FAM167A: variants seen among roughly 807,000 people sequenced by gnomAD.
FAM167A encodes family with sequence similarity 167 member A.
In FAM167A, 23 loss-of-function variants were observed where a neutral mutation model predicts 14.9. The observed-to-expected ratio is 1.55, with a 90% CI of 1.11 to 2.19. The LOEUF is 2.19. Among genes scored for constraint, FAM167A ranks in the 30% most tolerant of loss-of-function variants. The pLI is 0.00. For missense variants in FAM167A, 401 were observed against 281.5 expected (o/e 1.42, Z -3.04); for synonymous variants, 174 against 117.7 (o/e 1.48, Z -3.10).
chr8:11,426,889 G>A (rs1474298178), intron 2 of FAM167A, among the ~76,000 whole-genome samples: 1 of 152,134 alleles, frequency 6.6e-6, no homozygotes, highest in Non-Finnish European at 1.5e-5. Flanking sequence ...AAGCAATCAG[G>A]TATGCATTCG....
intron 2 of FAM167A, 112 bp downstream of exon 2, chr8:11,443,919 G>T (rs1003009201): frequency 2.6e-5 from 34 of 1,321,534 alleles, no homozygotes; most frequent in Admixed American, 6.6e-5. Flanking sequence ...GTTAGAGAGA[G>T]GGGAAGAAAT....
At chr8:11,454,696 G>A (rs1304905295) in intron 1 of FAM167A, among the ~76,000 whole-genome samples, 1 of 152,232 alleles carries the variant, frequency 6.6e-6, no homozygotes, top group Non-Finnish European at 1.5e-5. Flanking sequence ...AGGTTAGGAG[G>A]TCTGGGACAT....
At chr8:11,441,034 G>A (rs1050638562) in intron 2 of FAM167A, among the ~76,000 whole-genome samples, 2 of 152,296 alleles carry the variant, frequency 1.3e-5, no homozygotes, top group South Asian at 4.2e-4. Context: ...TCTAATCCCA[G>A]CAGCAGGCGG....
upstream of FAM167A, among the ~76,000 whole-genome samples, chr8:11,468,706 C>A (rs1807862130): frequency 6.6e-6 from 1 of 152,214 alleles, no homozygotes; most frequent in African/African-American, 2.4e-5. Context: ...GCCATTCAGC[C>A]CCATCTGGAA....
At chr8:11,443,724 C>T (rs1806582578) in intron 2 of FAM167A, 1 of 317,154 alleles carries the variant, frequency 3.2e-6, no homozygotes, top group Non-Finnish European at 5.9e-6. Flanking sequence ...AGCCAGACTC[C>T]AGTACTGGGA....
intron 1 of FAM167A, among the ~76,000 whole-genome samples, chr8:11,461,082 G>A (rs1716267971): frequency 6.6e-6 from 1 of 152,238 alleles, no homozygotes; most frequent in South Asian, 2.1e-4. Context: ...CTGTTGGTCA[G>A]AAAGAGGCCC....
At chr8:11,447,506 G>C (rs78579775) in intron 1 of FAM167A, among the ~76,000 whole-genome samples, 1,852 of 152,344 alleles carry the variant, frequency 0.012, 50 homozygotes, top group African/African-American at 0.042. Context: ...ATGGTCCTCA[G>C]ATCTGCTGAG....
intron 2 of FAM167A, among the ~76,000 whole-genome samples, chr8:11,435,347 T>C (rs1805934748): frequency 6.6e-6 from 1 of 152,228 alleles, no homozygotes. Context: ...GTGTTGGGCA[T>C]TGGTTTCATT....
chr8:11,455,972 T>C (rs1215218630), intron 1 of FAM167A, among the ~76,000 whole-genome samples: 1 of 117,192 alleles, frequency 8.5e-6, no homozygotes, highest in Admixed American at 9.1e-5. Flanking sequence ...TGTGAGTGAG[T>C]GTGGGGGGTG....
At chr8:11,458,641 GATT>G (rs1342281862) in intron 1 of FAM167A, among the ~76,000 whole-genome samples, 1 of 152,278 alleles carries the variant, frequency 6.6e-6, no homozygotes, top group East Asian at 1.9e-4. Flanking sequence ...ATTTTCATGG[GATT>G]TAAACACAGA....
chr8:11,456,238 GGTTGCCTTGCTGTGTGTGT>G (rs1254720689), intron 1 of FAM167A, among the ~76,000 whole-genome samples: 1 of 77,810 alleles, frequency 1.3e-5, no homozygotes, highest in African/African-American at 4.8e-5. Flanking sequence ...TGTGGGGGGT[GGTTGCCTTGCTGTGTGTGT>G]GAGTGTAAGG....
At position 11,444,032 on chromosome 8, in the gene FAM167A, A is replaced by C. The variant is rs1294920089; in HGVS notation, c.380T>G (p.Leu127Arg). The C allele has an allele frequency of 1.2e-6, 2 of 1,609,774 alleles. No individual in the cohort carries two copies. The highest frequency in any genetic ancestry group is 1.7e-6 in the Non-Finnish European group (2 of 1,177,892). Residue 127 changes from leucine to arginine, a missense_variant and splice_region_variant, in exon 2 of 3, where the codon CTG becomes CGG. Physicochemically the swap from Leu to Arg is moderately radical, Grantham distance 102 (BLOSUM62 -2). Transcript: ENST00000284486. The stretch of plus-strand genomic sequence containing the variant: ...GGATTCTTGGGGGCAGCCACTCACC[A>C]GTTCCTTCCTGAGCCAGGCTATAGC... The part of the protein sequence containing the change: ...DEAIAWLRKE[L>R]TEMRLQDQQL...
At chr8:11,438,907 G>GAAAC (rs1244161713) in intron 2 of FAM167A, among the ~76,000 whole-genome samples, 1 of 152,222 alleles carries the variant, frequency 6.6e-6, no homozygotes, top group African/African-American at 2.4e-5. Flanking sequence ...CCTTCATCCT[G>GAAAC]AAACAGTACA....
intron 2 of FAM167A, 29 bp downstream of exon 2, chr8:11,444,002 T>C (rs770934263): frequency 6.3e-7 from 1 of 1,589,758 alleles, no homozygotes; most frequent in African/African-American, 1.3e-5. Flanking sequence ...TCTCCTCTTT[T>C]CTGGGGATTC....
rs1453549583 is a variant in FAM167A, at chr8:11,424,510, C to T, written c.508G>A (p.Glu170Lys). Reference sequence around the variant, plus strand: ...GCCAGCTCATCCCGCTCCTCCAGCTCGTAGGTGGCATCGTTGAGCATCCTC... The same window carrying T: ...GCCAGCTCATCCCGCTCCTCCAGCTTGTAGGTGGCATCGTTGAGCATCCTC... Reference protein sequence around the residue: ...HRRMLNDATYELEERDELADL... With the variant: ...HRRMLNDATYKLEERDELADL... The change falls in exon 3 of 3, where the codon GAG becomes AAG. Residue 170 changes from glutamate to lysine, a missense_variant. Physicochemically the swap from Glu to Lys is moderately conservative, Grantham distance 56 (BLOSUM62 1). Coordinates refer to ENST00000284486, the MANE Select transcript of FAM167A (RefSeq NM_053279.3). 2.5e-6 allele frequency: 4 copies of T among 1,614,086 alleles called. No individual in the cohort carries two copies. The highest frequency in any genetic ancestry group is 2.2e-5 in the South Asian group (2 of 91,080).
At chr8:11,445,064 C>A (rs1806702810) in intron 1 of FAM167A, 1 of 908,754 alleles carries the variant, frequency 1.1e-6, no homozygotes, top group African/African-American at 1.8e-5. Flanking sequence ...TTATTTAATG[C>A]CCCCAGCAAG....
chr8:11,465,803 G>C (rs11250138), intron 1 of FAM167A, among the ~76,000 whole-genome samples: 52,169 of 152,118 alleles, frequency 0.34, 9,655 homozygotes, highest in East Asian at 0.64. Flanking sequence ...CTCCAGCAAT[G>C]ACGGGGAGTT....
intron 1 of FAM167A, among the ~76,000 whole-genome samples, chr8:11,452,881 T>G (rs1458436531): frequency 6.6e-6 from 1 of 152,192 alleles, no homozygotes; most frequent in East Asian, 1.9e-4. Context: ...AGCACACACA[T>G]TCGGGCCTCA....
At chr8:11,446,845 G>A (rs1445265519) in intron 1 of FAM167A, among the ~76,000 whole-genome samples, 4 of 152,240 alleles carry the variant, frequency 2.6e-5, no homozygotes, top group African/African-American at 9.6e-5. Context: ...CTTTGCTGAG[G>A]TGCCAGGATC....
Sources: gnomAD v4.1 joint callset for allele counts (sites outside exome capture counted in the v4.1 genomes callset) on GRCh38, gnomAD v4.1.1 for gene constraint, MANE v1.5 for transcripts, NCBI Gene and HGNC (gene_info 2026-07-23, HGNC 2026-07-21) for gene names.